HHAT: variants seen among roughly 807,000 people sequenced by gnomAD.
HHAT encodes protein-cysteine N-palmitoyltransferase HHAT.
HHAT carries 47 observed loss-of-function variants against 70.8 expected under a neutral mutation model. That is an observed-to-expected ratio of 0.66 (90% confidence interval 0.53 to 0.85). HHAT has a LOEUF of 0.85. HHAT is among the 40% of genes least tolerant of loss of function. The pLI, the probability that HHAT is intolerant of heterozygous loss-of-function variation, is 0.00. For missense variants in HHAT, 609 were observed against 604.8 expected (o/e 1.01, Z -0.07); for synonymous variants, 228 against 247.6 (o/e 0.92, Z 0.74).
intron 2 of HHAT, among the ~76,000 whole-genome samples, chr1:210,361,862 C>T (rs546709875): frequency 1.3e-5 from 2 of 152,246 alleles, no homozygotes; most frequent in South Asian, 4.2e-4. Context: ...CATGCAGTTG[C>T]CTACAGGACA....
At chr1:210,562,296 G>A (rs116676017) in intron 9 of HHAT, among the ~76,000 whole-genome samples, 264 of 151,276 alleles carry the variant, frequency 1.7e-3, no homozygotes, top group African/African-American at 6.1e-3. Flanking sequence ...CATCGTTGAC[G>A]TTGGGGGCTT....
At chr1:210,571,336 G>A (rs529480846) in intron 9 of HHAT, among the ~76,000 whole-genome samples, 1 of 152,330 alleles carries the variant, frequency 6.6e-6, no homozygotes, top group Non-Finnish European at 1.5e-5. Context: ...GGCGCTTGGA[G>A]GGCATCTCTT....
intron 1 of HHAT, among the ~76,000 whole-genome samples, chr1:210,331,495 A>C (rs942628163): frequency 1.3e-5 from 2 of 152,206 alleles, no homozygotes; most frequent in Non-Finnish European, 2.9e-5. Context: ...GTCATTTGCT[A>C]TCTCAAACAG....
At chr1:210,547,881 A>AGT (rs1015410873) in intron 9 of HHAT, among the ~76,000 whole-genome samples, 1 of 152,176 alleles carries the variant, frequency 6.6e-6, no homozygotes, top group Non-Finnish European at 1.5e-5. Context: ...GGACATCTTA[A>AGT]GTGTGTGTGT....
At chr1:210,674,195 G>A in intron 11 of HHAT, 93 bp from the exon 12 acceptor site, 1 of 1,005,614 alleles carries the variant, frequency 9.9e-7, no homozygotes. Context: ...TGTTTGTCAG[G>A]TTGCCTTCTC....
chr1:210,565,973 T>C (rs1337456627), intron 9 of HHAT, among the ~76,000 whole-genome samples: 3 of 152,158 alleles, frequency 2.0e-5, no homozygotes, highest in African/African-American at 7.2e-5. Context: ...GTGCCAACTA[T>C]AGGGGGTCAT....
chr1:210,381,955 T>C (rs1481052424), intron 3 of HHAT, among the ~76,000 whole-genome samples: 1 of 152,222 alleles, frequency 6.6e-6, no homozygotes, highest in African/African-American at 2.4e-5. Flanking sequence ...TAGCTATGCG[T>C]TTGTGTTGTT....
intron 7 of HHAT, among the ~76,000 whole-genome samples, chr1:210,451,722 G>A (rs1438753129): frequency 6.6e-6 from 1 of 152,114 alleles, no homozygotes; most frequent in East Asian, 1.9e-4. Context: ...ATGACTGTGG[G>A]CATGCATTAC....
At chr1:210,374,224 A>T (rs1246516026) in intron 3 of HHAT, 2 of 152,120 alleles carry the variant, frequency 1.3e-5, no homozygotes, top group East Asian at 1.9e-4. Context: ...GGAAATCTTT[A>T]GTAAAAGGCG....
At chr1:210,644,778 T>G (rs1673698561) in intron 11 of HHAT, among the ~76,000 whole-genome samples, 1 of 152,090 alleles carries the variant, frequency 6.6e-6, no homozygotes, top group African/African-American at 2.4e-5. Flanking sequence ...TTATTTAATT[T>G]TAATTCGGTC....
intron 10 of HHAT, chr1:210,590,381 G>C (rs1416393304): frequency 1.3e-5 from 2 of 151,986 alleles, no homozygotes; most frequent in Admixed American, 1.3e-4. Flanking sequence ...ATCCTCAGTA[G>C]TATTCAGAGT....
intron 1 of HHAT, among the ~76,000 whole-genome samples, chr1:210,331,168 T>G (rs1352076327): frequency 6.6e-6 from 1 of 152,116 alleles, no homozygotes; most frequent in Admixed American, 6.5e-5. Context: ...TATTATTACA[T>G]TGTAATATGA....
intron 11 of HHAT, among the ~76,000 whole-genome samples, chr1:210,638,644 G>T (rs1328962667): frequency 6.8e-6 from 1 of 146,592 alleles, no homozygotes; most frequent in Non-Finnish European, 1.5e-5. Context: ...ACTTTGGCAG[G>T]TTGAGACAGG....
chr1:210,423,275 G>GAA (rs2092959629), intron 7 of HHAT, among the ~76,000 whole-genome samples: 1 of 152,122 alleles, frequency 6.6e-6, no homozygotes. Flanking sequence ...TAACTCTGGG[G>GAA]TGAGATGATA....
At chr1:210,549,481 G>A (rs2095510930) in intron 9 of HHAT, among the ~76,000 whole-genome samples, 1 of 148,484 alleles carries the variant, frequency 6.7e-6, no homozygotes, top group Non-Finnish European at 1.5e-5. Flanking sequence ...GAAGAAGAGT[G>A]TGCAAAGGGG....
intron 11 of HHAT, among the ~76,000 whole-genome samples, chr1:210,659,587 A>G (rs1311653983): frequency 6.6e-6 from 1 of 152,228 alleles, no homozygotes; most frequent in Non-Finnish European, 1.5e-5. Context: ...CATCATCCTG[A>G]TATCAAAGCC....
intron 9 of HHAT, among the ~76,000 whole-genome samples, chr1:210,579,470 TAAAC>T (rs1385728269): frequency 6.6e-6 from 1 of 152,170 alleles, no homozygotes; most frequent in Non-Finnish European, 1.5e-5. Context: ...ATTATATACT[TAAAC>T]AATTGTTAGC....
At chr1:210,640,771 T>G (rs951892739) in intron 11 of HHAT, among the ~76,000 whole-genome samples, 2 of 152,122 alleles carry the variant, frequency 1.3e-5, no homozygotes, top group African/African-American at 4.8e-5. Context: ...TAAACTAAAT[T>G]TCAGCTGGAC....
intron 7 of HHAT, among the ~76,000 whole-genome samples, chr1:210,438,893 T>C (rs2093440424): frequency 6.6e-6 from 1 of 151,864 alleles, no homozygotes; most frequent in South Asian, 2.1e-4. Context: ...TATTTTACAG[T>C]GAGGAAATGG....
Sources: gnomAD v4.1 joint callset for allele counts (sites outside exome capture counted in the v4.1 genomes callset) on GRCh38, gnomAD v4.1.1 for gene constraint, MANE v1.5 for transcripts, NCBI Gene and HGNC (gene_info 2026-07-23, HGNC 2026-07-21) for gene names.